The following DOCK2 variants were observed in gnomAD, a reference collection of about 807,000 sequenced individuals.
DOCK2 encodes the protein dedicator of cytokinesis protein 2.
In DOCK2, 87 loss-of-function variants were observed where a neutral mutation model predicts 248.9. The observed-to-expected ratio is 0.35, with a 90% CI of 0.29 to 0.42. DOCK2 has a LOEUF of 0.42. Ranked by LOEUF, DOCK2 falls within the 10% of genes least tolerant of loss-of-function variation. The pLI is 1.00. For missense variants in DOCK2, 1,747 were observed against 2,300.2 expected, an observed-to-expected ratio of 0.76 and a Z score of 4.92; for synonymous variants, 805 against 821.6, an observed-to-expected ratio of 0.98 and a Z score of 0.35.
At chr5:169,694,481 G>A (rs1378635395) in intron 9 of DOCK2, among the ~76,000 whole-genome samples, 6 of 152,206 alleles carry the variant, frequency 3.9e-5, no homozygotes, top group Non-Finnish European at 8.8e-5. Context: ...TTGGTGTCAG[G>A]GACTGGGCTC....
At chr5:169,726,829 G>A (rs543860462) in intron 22 of DOCK2, among the ~76,000 whole-genome samples, 1 of 152,320 alleles carries the variant, frequency 6.6e-6, no homozygotes, top group South Asian at 2.1e-4. Flanking sequence ...AATTGTTCTT[G>A]TGGGAGCAGA....
At chr5:170,067,474 A>G (rs761772939) in intron 44 of DOCK2, 36 bp from the exon 45 acceptor site, 3 of 1,599,190 alleles carry the variant, frequency 1.9e-6, no homozygotes, top group East Asian at 2.2e-5. Context: ...TGACTTAACT[A>G]AGGCCCTTTC....
At chr5:169,784,878 G>A (rs1765901328) in intron 25 of DOCK2, among the ~76,000 whole-genome samples, 1 of 152,204 alleles carries the variant, frequency 6.6e-6, no homozygotes, top group African/African-American at 2.4e-5. Flanking sequence ...AATAGTGCAG[G>A]TGGAAATTAT....
chr5:170,057,798 C>G, intron 44 of DOCK2, 132 bp downstream of exon 44: 1 of 750,374 alleles, frequency 1.3e-6, no homozygotes, highest in Non-Finnish European at 2.1e-6. Flanking sequence ...TCCCAGAATT[C>G]CCATGCAGGC....
intron 14 of DOCK2, among the ~76,000 whole-genome samples, chr5:169,704,478 G>A (rs183279225): frequency 6.6e-6 from 1 of 152,138 alleles, no homozygotes; most frequent in Non-Finnish European, 1.5e-5. Flanking sequence ...AGCTAATGGG[G>A]TGGGCTCTGG....
chr5:170,034,628 G>GA (rs1342189959), intron 35 of DOCK2, 73 bp downstream of exon 35: 2 of 1,573,082 alleles, frequency 1.3e-6, no homozygotes, highest in Non-Finnish European at 1.7e-6. Flanking sequence ...TGGGTCTCAC[G>GA]ATTGTTCTTC....
intron 34 of DOCK2, among the ~76,000 whole-genome samples, chr5:170,034,041 A>G (rs1046752110): frequency 1.3e-5 from 2 of 152,184 alleles, no homozygotes; most frequent in African/African-American, 4.8e-5. Flanking sequence ...GATTCTGCAA[A>G]GTAGAGTTGT....
intron 27 of DOCK2, among the ~76,000 whole-genome samples, chr5:169,957,499 C>T (rs1776918282): frequency 6.6e-6 from 1 of 152,172 alleles, no homozygotes; most frequent in Non-Finnish European, 1.5e-5. Context: ...TCCCACTGAA[C>T]AGATGAGAAA....
At chr5:169,790,285 G>T (rs190508710) in intron 25 of DOCK2, among the ~76,000 whole-genome samples, 108 of 152,234 alleles carry the variant, frequency 7.1e-4, no homozygotes, top group African/African-American at 2.4e-3. Context: ...GTTCTTTTTG[G>T]TATTTGTAAG....
intron 26 of DOCK2, among the ~76,000 whole-genome samples, chr5:169,809,484 TCTC>T (rs1352833671): frequency 3.9e-5 from 6 of 152,154 alleles, no homozygotes; most frequent in Non-Finnish European, 8.8e-5. Flanking sequence ...CCCACTTCCT[TCTC>T]CTCCGCTCTG....
rs187034324 is a variant in DOCK2, at chr5:170,034,108, C to T, written c.3468-291C>T. Among the ~76,000 whole-genome samples the T allele has an allele frequency of 6.6e-5, 10 of 152,220 alleles. No homozygotes were observed. In the East Asian group the frequency reaches 1.7e-3, roughly 26 times the overall value. On this transcript the variant is annotated intron_variant, in intron 34 of 51. Transcript: ENST00000520908. ...TACAGATACTTTGAAAATTGCTTCC[C>T]CAAAAAAGTTTTCTTGATTTATTCT...
chr5:169,670,801 G>T (rs552682544), intron 4 of DOCK2, among the ~76,000 whole-genome samples: 1 of 152,134 alleles, frequency 6.6e-6, no homozygotes, highest in East Asian at 1.9e-4. Context: ...CTCTGAGGGG[G>T]TATTAGTTTG....
rs181233612 is a variant in DOCK2 at position 169,847,918 on chromosome 5, C to T, written c.2799+7066C>T. Among the ~76,000 whole-genome samples, 687 of 152,222 alleles carry T rather than the reference C, an allele frequency of 4.5e-3. 9 individuals carry two copies. The highest frequency in any genetic ancestry group is 0.015 in the African/African-American group (643 of 41,536). The stretch of plus-strand genomic sequence containing the variant: ...GTTTTTCTGGCCCAGTCCAAAAACT[C>T]TTGTATAAACAAGATTCTCTTGCAC... On this transcript the variant is annotated intron_variant, in intron 27 of 51. Coordinates refer to ENST00000520908, the MANE Select transcript of DOCK2 (RefSeq NM_004946.3).
intron 27 of DOCK2, among the ~76,000 whole-genome samples, chr5:169,901,570 G>T (rs1351435852): frequency 6.6e-6 from 1 of 152,200 alleles, no homozygotes; most frequent in Non-Finnish European, 1.5e-5. Flanking sequence ...TGGGGAGGCT[G>T]TAACAGTCGT....
chr5:169,810,724 T>C (rs532454395), intron 26 of DOCK2, among the ~76,000 whole-genome samples: 4 of 152,332 alleles, frequency 2.6e-5, no homozygotes, highest in Admixed American at 6.5e-5. Flanking sequence ...TCCTGCTTCC[T>C]TAAAGTTCCC....
At chr5:169,818,472 G>A (rs1032933373) in intron 26 of DOCK2, among the ~76,000 whole-genome samples, 2 of 152,172 alleles carry the variant, frequency 1.3e-5, no homozygotes, top group African/African-American at 2.4e-5. Context: ...AACTAGCCGG[G>A]TGGTACTGGG....
chr5:169,860,558 G>A (rs1050431798), intron 27 of DOCK2, among the ~76,000 whole-genome samples: 3 of 152,160 alleles, frequency 2.0e-5, no homozygotes, highest in African/African-American at 7.2e-5. Context: ...TCAAACCCAA[G>A]ACTTCTGATT....
intron 27 of DOCK2, among the ~76,000 whole-genome samples, chr5:169,869,627 A>G (rs1471927392): frequency 6.6e-6 from 1 of 152,222 alleles, no homozygotes; most frequent in Non-Finnish European, 1.5e-5. Flanking sequence ...AGAAAAGAGA[A>G]GATGCATTTC....
chr5:169,854,748 C>T (rs758626522), intron 27 of DOCK2, among the ~76,000 whole-genome samples: 20 of 152,342 alleles, frequency 1.3e-4, no homozygotes, highest in Non-Finnish European at 2.2e-4. Context: ...GCATTTACAG[C>T]ATCTCAGGCA....
Sources: gnomAD v4.1 joint callset for allele counts (sites outside exome capture counted in the v4.1 genomes callset) on GRCh38, gnomAD v4.1.1 for gene constraint, MANE v1.5 for transcripts, NCBI Gene and HGNC (gene_info 2026-07-23, HGNC 2026-07-21) for gene names.